Variants in ARHGAP11A observed in about 807,000 individuals in gnomAD.
ARHGAP11A encodes the protein Rho GTPase activating protein 11A.
Under a neutral mutation model 60.5 loss-of-function variants are expected in ARHGAP11A, and 36 were observed. The ratio of observed to expected loss-of-function variants is 0.59; its 90% CI spans 0.46 to 0.79. The LOEUF (loss-of-function observed/expected upper bound fraction) is 0.79. ARHGAP11A is among the 30% of genes least tolerant of loss of function. The pLI is 0.00. For missense variants in ARHGAP11A, 1,071 were observed against 1,199.2 expected, an observed-to-expected ratio of 0.89 and a Z score of 1.58; for synonymous variants, 362 against 415.5, an observed-to-expected ratio of 0.87 and a Z score of 1.57.
In ARHGAP11A at chr15:32,639,479, C is replaced by T. The variant is rs917590626; in HGVS notation, c.*1634C>T. On this transcript the variant is annotated 3_prime_UTR_variant, in exon 12 of 12. Coordinates refer to ENST00000361627, the MANE Select transcript of ARHGAP11A (RefSeq NM_014783.6). ...ATTCATATAGTCAGATATATGTTGTCTGCTTTAAACAATTTTTAAATTTTA... is the reference window on the plus strand; with the variant it reads ...ATTCATATAGTCAGATATATGTTGTTTGCTTTAAACAATTTTTAAATTTTA... 6.6e-6 allele frequency: 1 copy of T among 152,150 alleles called. No homozygotes were observed. The highest frequency in any genetic ancestry group is 1.5e-5 in the Non-Finnish European group (1 of 68,026). 9.4% of individuals were successfully genotyped at this position (152,150 alleles called of 1,614,324 possible).
chr15:32,636,406 G>A lies in ARHGAP11A; in HGVS notation c.1633G>A (p.Glu545Lys). ...NEASSMVENL[E>K]VENSLEPDIM... ...AGCTTCTTCAATGGTGGAAAATCTT[G>A]AGGTAGAAAACTCTTTGGAGCCTGA... Residue 545 changes from glutamate (E) to lysine (K), a missense_variant, in exon 12 of 12, where the codon GAG (glutamate) becomes AAG (lysine). Transcript: ENST00000361627. The A allele has an allele frequency of 6.2e-7, 1 of 1,614,090 alleles. No individual in the cohort carries two copies. Among genetic ancestry groups the A allele is most frequent in the South Asian group, 1.1e-5 (1 of 91,078 alleles).
At chr15:32,627,132 A>G (rs2053476882) in intron 6 of ARHGAP11A, among the ~76,000 whole-genome samples, 1 of 151,922 alleles carries the variant, frequency 6.6e-6, no homozygotes, top group Admixed American at 6.6e-5. Flanking sequence ...ATCTAAATAG[A>G]TAACCACCAC....
At chr15:32,633,869 G>A (rs540448748) in intron 9 of ARHGAP11A, 64 bp from the exon 10 acceptor site, 28 of 957,298 alleles carry the variant, frequency 2.9e-5, no homozygotes, top group Non-Finnish European at 3.4e-5. Flanking sequence ...TTCAAATTTC[G>A]TATTTCAAGT....
At chr15:32,635,147 T>A (rs76925393) in intron 10 of ARHGAP11A, among the ~76,000 whole-genome samples, 6,913 of 152,300 alleles carry the variant, frequency 0.045, 175 homozygotes, top group Middle Eastern at 0.078. Context: ...TGAGCTCTCC[T>A]CCAGTCCCCC....
intron 8 of ARHGAP11A, among the ~76,000 whole-genome samples, chr15:32,630,640 C>T (rs1008131027): frequency 6.6e-6 from 1 of 151,824 alleles, no homozygotes; most frequent in African/African-American, 2.4e-5. Context: ...TATATGAGTT[C>T]CTTCCCAAAG....
At chr15:32,617,128 A>G (rs949305132) in intron 1 of ARHGAP11A, among the ~76,000 whole-genome samples, 3 of 152,196 alleles carry the variant, frequency 2.0e-5, no homozygotes, top group Admixed American at 1.3e-4. Flanking sequence ...TTTATTTTAA[A>G]TTTATGTGCC....
chr15:32,632,503 T>C (rs78668093), intron 8 of ARHGAP11A, among the ~76,000 whole-genome samples: 3,230 of 152,304 alleles, frequency 0.021, 61 homozygotes, highest in Middle Eastern at 0.048. Flanking sequence ...GATTCCAACT[T>C]GTTTGCCAAT....
At chr15:32,624,479 G>A in intron 4 of ARHGAP11A, 53 bp downstream of exon 4, 3 of 1,552,036 alleles carry the variant, frequency 1.9e-6, no homozygotes, top group Non-Finnish European at 1.8e-6. Flanking sequence ...TTCAACTAAC[G>A]TTTTATGCTT....
rs139038804 is a variant in ARHGAP11A, at chr15:32,637,501, G to T, written c.2728G>T (p.Glu910Ter). The T allele has an allele frequency of 6.2e-7, 1 of 1,613,820 alleles. No individual in the cohort carries two copies. The highest frequency in any genetic ancestry group is 8.5e-7 in the Non-Finnish European group (1 of 1,180,044). ...AGAACAGAAGTCCATGTCATGTGAA[G>T]AGTCAAATATTGGTGCAATTTCAAA... ...PKEQKSMSCE[E>*]SNIGAISKSS... The change falls in exon 12 of 12, where the codon GAG becomes TAG. Residue 910 changes from glutamate (E) to a stop codon, truncating the protein, a stop_gained. Transcript: ENST00000361627. LOFTEE classifies it low-confidence loss of function (END_TRUNC).
rs2053754685 is a variant in ARHGAP11A, at chr15:32,637,587, G to A, written c.2814G>A (p.Val938=). The change falls in exon 12 of 12, where the codon GTG becomes GTA. Residue 938 remains valine, a synonymous_variant. Coordinates refer to ENST00000361627, the MANE Select transcript of ARHGAP11A (RefSeq NM_014783.6). ...FLKMRKHPDS[V]NASLRSTTVY... ...AGATGAGGAAGCACCCAGATTCAGTGAATGCTTCTCTTAGGTCTACTACAG... is the reference window on the plus strand; with the variant it reads ...AGATGAGGAAGCACCCAGATTCAGTAAATGCTTCTCTTAGGTCTACTACAG... 1 of 1,614,188 alleles carries A rather than the reference G, an allele frequency of 6.2e-7. No homozygotes were observed. Among genetic ancestry groups the A allele is most frequent in the Non-Finnish European group, 8.5e-7 (1 of 1,180,034 alleles).
intron 4 of ARHGAP11A, 132 bp from the exon 5 acceptor site, chr15:32,624,948 G>A (rs1208917954): frequency 6.1e-6 from 5 of 825,598 alleles, no homozygotes; most frequent in Non-Finnish European, 9.5e-6. Context: ...AGCCAATCAT[G>A]TAGATGAAGG....
intron 7 of ARHGAP11A, among the ~76,000 whole-genome samples, chr15:32,629,084 G>A (rs2140462782): frequency 6.6e-6 from 1 of 151,956 alleles, no homozygotes; most frequent in East Asian, 1.9e-4. Context: ...TTAAGCGTGT[G>A]AAAATAGTTC....
chr15:32,636,833 C>T lies in ARHGAP11A; in HGVS notation c.2060C>T (p.Thr687Ile). The T allele has an allele frequency of 6.2e-7, 1 of 1,607,420 alleles. No individual in the cohort carries two copies. The highest frequency in any genetic ancestry group is 2.2e-5 in the East Asian group (1 of 44,836). Residue 687 changes from threonine to isoleucine, a missense_variant, in exon 12 of 12, where the codon ACT becomes ATT. Physicochemically the swap from Thr to Ile is moderately conservative, Grantham distance 89. Coordinates refer to ENST00000361627, the MANE Select transcript of ARHGAP11A (RefSeq NM_014783.6). ...ACTCAAACATTTAATAGAGAAACAA[C>T]TATAAAATGTTATTCAACTCAGATG... ...LQTQTFNRET[T>I]IKCYSTQMKM...
intron 6 of ARHGAP11A, among the ~76,000 whole-genome samples, chr15:32,627,177 C>T (rs1050263876): frequency 4.0e-5 from 6 of 151,712 alleles, no homozygotes; most frequent in Non-Finnish European, 7.4e-5. Flanking sequence ...ATGTCAGTTC[C>T]ACTTTACTAA....
intron 1 of ARHGAP11A, 39 bp from the exon 2 acceptor site, chr15:32,620,069 C>G (rs1352947194): frequency 3.3e-6 from 5 of 1,535,844 alleles, no homozygotes; most frequent in Admixed American, 2.1e-5. Context: ...GATATTATGC[C>G]TAATATTTGT....
At chr15:32,623,312 T>G (rs988706040) in intron 2 of ARHGAP11A, among the ~76,000 whole-genome samples, 180 bp from the exon 3 acceptor site, 2 of 152,208 alleles carry the variant, frequency 1.3e-5, no homozygotes, top group Admixed American at 6.5e-5. Flanking sequence ...AAGATGGGCC[T>G]TGGAGAAGAA....
At chr15:32,616,671 G>T (rs959947361) in intron 1 of ARHGAP11A, among the ~76,000 whole-genome samples, 4 of 152,186 alleles carry the variant, frequency 2.6e-5, no homozygotes, top group Non-Finnish European at 4.4e-5. Context: ...TTACCCACTA[G>T]ATGCTGGTAG....
chr15:32,637,814 TAC>T lies in ARHGAP11A; in HGVS notation c.3042_3043del (p.Leu1014PhefsTer5). On this transcript the variant is annotated frameshift_variant, in exon 12 of 12. Coordinates refer to ENST00000361627, the MANE Select transcript of ARHGAP11A (RefSeq NM_014783.6). LOFTEE classifies it high-confidence loss of function. ...AAACATCCTATCGGAAAAACTCAAT[TAC>T]TACCAACAAGTAAACCTGTAGATTT... 1 of 1,604,732 alleles carries T rather than the reference TAC, an allele frequency of 6.2e-7. No individual in the cohort carries two copies. The highest frequency in any genetic ancestry group is 1.7e-5 in the Admixed American group (1 of 57,854).
At position 32,636,776 on chromosome 15, in the gene ARHGAP11A, G is replaced by A; in HGVS notation, c.2003G>A (p.Cys668Tyr). 6.2e-7 allele frequency: 1 copy of A among 1,611,576 alleles called. No homozygotes were observed. Among genetic ancestry groups the A allele is most frequent in the South Asian group, 1.1e-5 (1 of 90,186 alleles). The change falls in exon 12 of 12, where the codon TGT (cysteine) becomes TAT (tyrosine). Residue 668 changes from cysteine (C) to tyrosine (Y), a missense_variant. Physicochemically the swap from Cys to Tyr is radical, Grantham distance 194 (BLOSUM62 -2). Around this residue, in one of 4 missense-constraint regions of ARHGAP11A, gnomAD observed 776 missense variants for 760.2 expected, o/e 1.02. Transcript: ENST00000361627. The stretch of plus-strand genomic sequence containing the variant: ...CACCACACTGGTAAAGGTGAAAAAT[G>A]TTTTTCAGAGAGGGACTTTTCACCC... ...YEHHTGKGEK[C>Y]FSERDFSPLQ...
Sources: allele counts gnomAD v4.1 joint callset (sites outside exome capture counted in the v4.1 genomes callset), GRCh38; gene constraint gnomAD v4.1.1; regional missense constraint gnomAD v4.1.1; transcripts MANE v1.5; gene names NCBI Gene and HGNC (gene_info 2026-07-23, HGNC 2026-07-21).